Variants in RTN3 observed in about 807,000 individuals in gnomAD.
The protein encoded by RTN3 is reticulon 3, also known as reticulon-3.
Under a neutral mutation model 77.8 loss-of-function variants are expected in RTN3, and 49 were observed. The observed-to-expected ratio is 0.63, with a 90% CI of 0.50 to 0.80. The LOEUF (loss-of-function observed/expected upper bound fraction) is 0.80. Among genes scored for constraint, RTN3 ranks in the 30% least tolerant of loss-of-function variants. The pLI is 0.00. For missense variants in RTN3, 1,236 were observed against 1,211.9 expected (o/e 1.02, Z -0.29); for synonymous variants, 464 against 446.9 (o/e 1.04, Z -0.48).
chr11:63,756,640 C>T (rs1437534478), intron 8 of RTN3, among the ~76,000 whole-genome samples: 1 of 152,200 alleles, frequency 6.6e-6, no homozygotes, highest in East Asian at 1.9e-4. Flanking sequence ...CTTGCTTTGT[C>T]ACCCAGGCTG....
chr11:63,712,949 G>A (rs948995867), intron 2 of RTN3, among the ~76,000 whole-genome samples: 3 of 152,046 alleles, frequency 2.0e-5, no homozygotes, highest in African/African-American at 7.2e-5. Context: ...TACAAAATTA[G>A]CTAGGCCTGG....
intron 8 of RTN3, among the ~76,000 whole-genome samples, chr11:63,757,489 T>C (rs2014438361): frequency 6.6e-6 from 1 of 151,868 alleles, no homozygotes; most frequent in East Asian, 1.9e-4. Context: ...GCCTCCTGAG[T>C]AGCTGACACT....
chr11:63,721,739 T>A (rs2011827252), intron 3 of RTN3, among the ~76,000 whole-genome samples: 1 of 152,152 alleles, frequency 6.6e-6, no homozygotes, highest in Admixed American at 6.6e-5. Flanking sequence ...ATTGTCATAC[T>A]TTTTAGCACT....
intron 1 of RTN3, among the ~76,000 whole-genome samples, chr11:63,703,624 G>A (rs183543815): frequency 1.3e-5 from 2 of 148,484 alleles, no homozygotes; most frequent in African/African-American, 5.0e-5. Flanking sequence ...CTCACTGCAA[G>A]CTCCACCTCC....
intron 3 of RTN3, among the ~76,000 whole-genome samples, chr11:63,727,461 A>G (rs899628008): frequency 6.6e-6 from 1 of 151,342 alleles, no homozygotes; most frequent in Admixed American, 6.6e-5. Context: ...GAAAATCTCA[A>G]CCTAGAAATC....
chr11:63,727,630 A>G (rs1161700440), intron 3 of RTN3, among the ~76,000 whole-genome samples: 1 of 152,162 alleles, frequency 6.6e-6, no homozygotes, highest in Non-Finnish European at 1.5e-5. Flanking sequence ...ATATTTTTTA[A>G]AAGTGTCACC....
chr11:63,734,946 C>T (rs1400063983), intron 3 of RTN3, among the ~76,000 whole-genome samples: 3 of 152,088 alleles, frequency 2.0e-5, no homozygotes, highest in Admixed American at 6.6e-5. Context: ...AATAAGTGAA[C>T]TTAGCAGGAT....
At chr11:63,750,859 G>C (rs990672078) in intron 4 of RTN3, among the ~76,000 whole-genome samples, 1 of 152,004 alleles carries the variant, frequency 6.6e-6, no homozygotes, top group African/African-American at 2.4e-5. Context: ...AGCCTCCCGA[G>C]TAGCTGGGAC....
chr11:63,700,282 C>CTT (rs753369954), intron 1 of RTN3, among the ~76,000 whole-genome samples: 3 of 133,444 alleles, frequency 2.2e-5, no homozygotes, highest in African/African-American at 8.7e-5. Context: ...GATTCTTTTA[C>CTT]TTTTTTTTTT....
Position 63,750,384 on chromosome 11 carries a change from G to GGGCC in RTN3, c.2738+186_2738+187insGGCC, listed in dbSNP as rs1302791709. On this transcript the variant is annotated intron_variant, in intron 4 of 8. Coordinates refer to ENST00000377819, the MANE Select transcript of RTN3 (RefSeq NM_001265589.2). ...AAGAAGTGGCCAAGTTAGAAGCCAA[G>GGGCC]AACTTTTTGACAAATTAGAGGCTCA... 8.8e-6 allele frequency: 5 copies of GGGCC among 569,544 alleles called. No individual in the cohort carries two copies. The Admixed American group carries it at 1.6e-4, about 18-fold the overall frequency. 35.3% of individuals were successfully genotyped at this position (569,544 alleles called of 1,614,324 possible).
chr11:63,713,976 GACT>G, intron 2 of RTN3: 1 of 517,778 alleles, frequency 1.9e-6, no homozygotes, highest in Non-Finnish European at 3.9e-6. Flanking sequence ...GCCAGGTACT[GACT>G]TGGGCAACAG....
Position 63,683,191 on chromosome 11 carries a change from A to G in RTN3, c.142+1413A>G, listed in dbSNP as rs1409713062. On this transcript the variant is annotated intron_variant, in intron 1 of 8. Transcript: ENST00000377819. ...TCAGTAGAAACAGGCAGTATCAGGAAGCTTTTGCAGATAAAAGAATGAGGC... is the reference window on the plus strand; with the variant it reads ...TCAGTAGAAACAGGCAGTATCAGGAGGCTTTTGCAGATAAAAGAATGAGGC... Among the ~76,000 whole-genome samples, 7 of 152,298 alleles carry G rather than the reference A, an allele frequency of 4.6e-5. No individual in the cohort carries two copies. The East Asian group carries it at 1.3e-3, about 29-fold the overall frequency.
intron 2 of RTN3, among the ~76,000 whole-genome samples, chr11:63,705,266 TC>T (rs1942441973): frequency 6.6e-6 from 1 of 152,138 alleles, no homozygotes; most frequent in African/African-American, 2.4e-5. Context: ...GGCGGGCAGA[TC>T]ACTTGAACTC....
chr11:63,714,172 G>A, intron 2 of RTN3: 1 of 365,590 alleles, frequency 2.7e-6, no homozygotes, highest in Non-Finnish European at 5.5e-6. Flanking sequence ...AAGTTTGTTA[G>A]GGTTTCAGCT....
In RTN3 at chr11:63,718,826, A is replaced by G; in HGVS notation, c.324A>G (p.Leu108=). The G allele has an allele frequency of 1.9e-6, 3 of 1,614,160 alleles. No homozygotes were observed. Among genetic ancestry groups the G allele is most frequent in the Non-Finnish European group, 2.5e-6 (3 of 1,180,028 alleles). The part of the protein sequence containing the change: ...TILHGEKSHV[L]GSQPILAKEG... ...TACATGGAGAAAAAAGCCATGTGTT[A>G]GGGAGCCAGCCTATTTTAGCCAAAG... Residue 108 remains leucine, a synonymous_variant, in exon 3 of 9, where the codon TTA becomes TTG. Coordinates refer to ENST00000377819, the MANE Select transcript of RTN3 (RefSeq NM_001265589.2).
intron 3 of RTN3, among the ~76,000 whole-genome samples, chr11:63,745,700 A>G (rs2013753530): frequency 6.6e-6 from 1 of 152,154 alleles, no homozygotes; most frequent in Admixed American, 6.5e-5. Flanking sequence ...GCACACATCT[A>G]GGGGCACTGT....
chr11:63,696,117 A>G (rs1009525016), intron 1 of RTN3, among the ~76,000 whole-genome samples: 1 of 151,648 alleles, frequency 6.6e-6, no homozygotes, highest in African/African-American at 2.4e-5. Flanking sequence ...AACCTATTTT[A>G]AGGAATATTG....
intron 1 of RTN3, among the ~76,000 whole-genome samples, chr11:63,699,291 C>T (rs903146396): frequency 6.6e-6 from 1 of 150,868 alleles, no homozygotes; most frequent in African/African-American, 2.4e-5. Context: ...GGCGACAGAG[C>T]TGAGACTCCT....
At chr11:63,732,046 G>A (rs1346059184) in intron 3 of RTN3, among the ~76,000 whole-genome samples, 1 of 150,786 alleles carries the variant, frequency 6.6e-6, no homozygotes, top group Non-Finnish European at 1.5e-5. Context: ...GAAGAGCAAA[G>A]TAAACCCAGT....
Sources: gnomAD v4.1 joint callset for allele counts (sites outside exome capture counted in the v4.1 genomes callset) on GRCh38, gnomAD v4.1.1 for gene constraint, MANE v1.5 for transcripts, NCBI Gene and HGNC (gene_info 2026-07-23, HGNC 2026-07-21) for gene names.